Variants in NSMAF observed in about 807,000 individuals in gnomAD.
NSMAF encodes protein FAN.
Under a neutral mutation model 134.9 loss-of-function variants are expected in NSMAF, and 90 were observed. That is an observed-to-expected ratio of 0.67 (90% CI 0.56 to 0.79). The LOEUF (loss-of-function observed/expected upper bound fraction) is 0.79. NSMAF is among the 30% of genes least tolerant of loss of function. The pLI is 0.00. For missense variants in NSMAF, 1,010 were observed against 1,119.0 expected (o/e 0.90, Z 1.39); for synonymous variants, 358 against 389.6 (o/e 0.92, Z 0.96).
Position 58,623,204 on chromosome 8 carries a change from A to T in NSMAF, c.557+16T>A. 2 of 1,570,360 alleles carry T rather than the reference A, an allele frequency of 1.3e-6. No homozygotes were observed. The highest frequency in any genetic ancestry group is 1.8e-6 in the Non-Finnish European group (2 of 1,142,382). On this transcript the variant is annotated intron_variant, in intron 9 of 30. Transcript: ENST00000038176. ...TCCACCACTTTTCTAATTAGGAAAG[A>T]TCATTAGAAACTTACCTGTTTTTGT...
intron 9 of NSMAF, among the ~76,000 whole-genome samples, chr8:58,611,187 T>C (rs2129142633): frequency 6.6e-6 from 1 of 152,014 alleles, no homozygotes; most frequent in South Asian, 2.1e-4. Context: ...CTATAGAAGG[T>C]GTGTCAGACA....
chr8:58,585,953 T>C lies in NSMAF; in HGVS notation c.2494A>G (p.Ile832Val). ...STGTDGCLNV[I>V]DVQTGMLISS... The stretch of plus-strand genomic sequence containing the variant: ...ATGAGCATTCCTGTCTGCACATCAA[T>C]GACATTAAGACAGCCATCTGTTCCT... Residue 832 changes from isoleucine to valine, a missense_variant, in exon 29 of 31, where the codon ATT becomes GTT. Ile to Val is a conservative substitution (Grantham distance 29). Transcript: ENST00000038176. 6.2e-7 allele frequency: 1 copy of C among 1,614,064 alleles called. No homozygotes were observed. Among genetic ancestry groups the C allele is most frequent in the Non-Finnish European group, 8.5e-7 (1 of 1,179,984 alleles).
rs10111180 is a variant in NSMAF, at chr8:58,599,197, C to T, written c.1585+35G>A. On this transcript the variant is annotated intron_variant, in intron 19 of 30. Coordinates refer to ENST00000038176, the MANE Select transcript of NSMAF (RefSeq NM_003580.4). ...AAATGAATAATGCTAAATATTCACCCAATGCTAAATAAAATTTCAATGAAT... is the reference window on the plus strand; with the variant it reads ...AAATGAATAATGCTAAATATTCACCTAATGCTAAATAAAATTTCAATGAAT... The T allele has an allele frequency of 0.31, 491,542 of 1,576,240 alleles. 79,256 individuals are homozygous for T. The highest frequency in any genetic ancestry group is 0.5 in the East Asian group (22,111 of 44,236).
intron 6 of NSMAF, among the ~76,000 whole-genome samples, chr8:58,624,025 TAG>T (rs1806854575): frequency 6.7e-6 from 1 of 148,884 alleles, no homozygotes; most frequent in Non-Finnish European, 1.5e-5. Context: ...CCTTAAGGTA[TAG>T]AGTTAGGATT....
intron 20 of NSMAF, 97 bp from the exon 21 acceptor site, chr8:58,597,647 C>T: frequency 8.4e-7 from 1 of 1,193,226 alleles, no homozygotes; most frequent in Non-Finnish European, 1.2e-6. Flanking sequence ...AGGGACTAAC[C>T]CTCAAATAAT....
chr8:58,625,921 T>C (rs1187209024), intron 6 of NSMAF, among the ~76,000 whole-genome samples: 1 of 151,938 alleles, frequency 6.6e-6, no homozygotes, highest in Non-Finnish European at 1.5e-5. Context: ...TTTTTAAAAT[T>C]TATTTTGATA....
chr8:58,651,549 C>T (rs1399342018), intron 1 of NSMAF, among the ~76,000 whole-genome samples: 1 of 152,214 alleles, frequency 6.6e-6, no homozygotes, highest in Admixed American at 6.5e-5. Context: ...ATTCTATTTT[C>T]AAGTCCCAGC....
intron 9 of NSMAF, 145 bp from the exon 10 acceptor site, chr8:58,609,878 T>G: frequency 1.3e-6 from 1 of 755,062 alleles, no homozygotes; most frequent in South Asian, 2.0e-5. Flanking sequence ...TATAAATTGA[T>G]TGCTTAGATA....
At chr8:58,627,292 T>C (rs776872512) in intron 6 of NSMAF, among the ~76,000 whole-genome samples, 3 of 152,184 alleles carry the variant, frequency 2.0e-5, no homozygotes, top group Admixed American at 6.5e-5. Context: ...CCTACGCCCC[T>C]GAAAACTGGA....
chr8:58,655,134 T>C (rs1301924814), intron 1 of NSMAF, among the ~76,000 whole-genome samples: 1 of 152,064 alleles, frequency 6.6e-6, no homozygotes, highest in Non-Finnish European at 1.5e-5. Context: ...GCACCACACC[T>C]GGCCTATTTA....
intron 9 of NSMAF, among the ~76,000 whole-genome samples, chr8:58,610,811 G>T (rs1466302569): frequency 1.3e-5 from 2 of 152,164 alleles, no homozygotes; most frequent in Non-Finnish European, 2.9e-5. Flanking sequence ...AAACCCGATG[G>T]CTCAGTTATA....
chr8:58,586,691 G>T, intron 27 of NSMAF, 83 bp from the exon 28 acceptor site: 1 of 1,111,474 alleles, frequency 9.0e-7, no homozygotes, highest in Non-Finnish European at 1.3e-6. Flanking sequence ...CAAATATGTA[G>T]TCATCATGAT....
intron 23 of NSMAF, among the ~76,000 whole-genome samples, chr8:58,591,368 G>C (rs1305716535): frequency 3.3e-5 from 5 of 151,452 alleles, no homozygotes. Context: ...AGTTAAGTGT[G>C]ATACCCTTGC....
At chr8:58,659,373 G>A (rs1191740339) in intron 1 of NSMAF, 200 bp downstream of exon 1, 1 of 1,522,368 alleles carries the variant, frequency 6.6e-7, no homozygotes, top group Admixed American at 2.0e-5. Flanking sequence ...GCAGGCTCCG[G>A]CCCAGACCAG....
At chr8:58,588,264 G>A (rs1805936543) in intron 26 of NSMAF, among the ~76,000 whole-genome samples, 1 of 151,632 alleles carries the variant, frequency 6.6e-6, no homozygotes, top group Non-Finnish European at 1.5e-5. Flanking sequence ...GTGAATGAAT[G>A]AGCATTCAGA....
chr8:58,613,285 T>A (rs1024878350), intron 9 of NSMAF, among the ~76,000 whole-genome samples: 2 of 152,216 alleles, frequency 1.3e-5, no homozygotes, highest in African/African-American at 4.8e-5. Flanking sequence ...GTGGGTTTTA[T>A]GGATTATGCA....
At chr8:58,627,819 T>C (rs1806969907) in intron 6 of NSMAF, among the ~76,000 whole-genome samples, 1 of 152,128 alleles carries the variant, frequency 6.6e-6, no homozygotes, top group African/African-American at 2.4e-5. Flanking sequence ...AATGCAGTTC[T>C]TATCAAGATA....
At chr8:58,613,426 C>T (rs1806577629) in intron 9 of NSMAF, among the ~76,000 whole-genome samples, 1 of 152,010 alleles carries the variant, frequency 6.6e-6, no homozygotes, top group Admixed American at 6.6e-5. Flanking sequence ...GCACGAGGTA[C>T]ATATTGTAAT....
intron 5 of NSMAF, among the ~76,000 whole-genome samples, chr8:58,632,499 C>T (rs1807076980): frequency 6.6e-6 from 1 of 152,066 alleles, no homozygotes; most frequent in Admixed American, 6.5e-5. Context: ...AAGCAGTTTT[C>T]CACATGGCTT....
Sources: gnomAD v4.1 joint callset for allele counts (sites outside exome capture counted in the v4.1 genomes callset) on GRCh38, gnomAD v4.1.1 for gene constraint, MANE v1.5 for transcripts, NCBI Gene and HGNC (gene_info 2026-07-23, HGNC 2026-07-21) for gene names.